Variants in LMO7 observed in about 807,000 individuals in gnomAD.
LMO7 encodes LIM domain 7, also known as LIM domain only protein 7.
In LMO7, 120 loss-of-function variants were observed where a neutral mutation model predicts 206.5. That is an observed-to-expected ratio of 0.58 (90% CI 0.50 to 0.68). The LOEUF (loss-of-function observed/expected upper bound fraction) is 0.68. LMO7 is among the 30% of genes least tolerant of loss of function. The pLI is 0.00. For synonymous variants in LMO7, 706 were observed against 681.5 expected, an observed-to-expected ratio of 1.04 and a Z score of -0.56; for missense variants, 1,959 against 1,957.9, an observed-to-expected ratio of 1.00 and a Z score of -0.01.
At chr13:75,703,364 G>A (rs1002858498) in intron 1 of LMO7, among the ~76,000 whole-genome samples, 22 of 152,148 alleles carry the variant, frequency 1.4e-4, no homozygotes, top group African/African-American at 5.1e-4. Flanking sequence ...GAATGACTGG[G>A]GGAATAGGAG....
At chr13:75,791,914 T>G (rs780280174) in intron 4 of LMO7, among the ~76,000 whole-genome samples, 6 of 152,144 alleles carry the variant, frequency 3.9e-5, no homozygotes, top group Non-Finnish European at 7.3e-5. Context: ...TATTGCAGAC[T>G]TGGGTTTCAA....
chr13:75,815,584 G>A (rs920825709), intron 11 of LMO7, among the ~76,000 whole-genome samples: 8 of 152,208 alleles, frequency 5.3e-5, no homozygotes, highest in African/African-American at 1.7e-4. Flanking sequence ...ACCTGTCCAG[G>A]GGTCCTGAGG....
At chr13:75,786,637 G>A (rs771650986) in intron 4 of LMO7, among the ~76,000 whole-genome samples, 2 of 151,758 alleles carry the variant, frequency 1.3e-5, no homozygotes, top group Non-Finnish European at 2.9e-5. Context: ...TGCCCGCCTC[G>A]GCCTCCCAAA....
At chr13:75,629,076 A>G (rs1365702101) in intron 2 of LMO7, among the ~76,000 whole-genome samples, 4 of 152,220 alleles carry the variant, frequency 2.6e-5, no homozygotes, top group Admixed American at 6.5e-5. Flanking sequence ...TCTAGTGGGT[A>G]GGGGCCAGGG....
intron 2 of LMO7, among the ~76,000 whole-genome samples, chr13:75,726,813 A>G (rs1445210136): frequency 1.3e-5 from 2 of 152,090 alleles, no homozygotes; most frequent in Non-Finnish European, 2.9e-5. Flanking sequence ...TCTCCACATA[A>G]AGGATATAGA....
intron 2 of LMO7, among the ~76,000 whole-genome samples, chr13:75,722,673 C>T (rs1318947325): frequency 6.6e-6 from 1 of 152,040 alleles, no homozygotes; most frequent in Non-Finnish European, 1.5e-5. Flanking sequence ...AGGTATCTAC[C>T]AGAGGAAAAT....
chr13:75,848,451 C>CTATCTATCTA (rs2060182907), intron 26 of LMO7, among the ~76,000 whole-genome samples: 1 of 152,086 alleles, frequency 6.6e-6, no homozygotes, highest in Admixed American at 6.5e-5. Context: ...ATCTATCTAT[C>CTATCTATCTA]TATCTATCTA....
chr13:75,809,009 A>C (rs567273997), intron 10 of LMO7, 145 bp from the exon 11 acceptor site: 44 of 696,730 alleles, frequency 6.3e-5, no homozygotes, highest in Non-Finnish European at 1.0e-4. Context: ...AGAACTTGAG[A>C]CATGATCAAG....
At chr13:75,823,138 T>C (rs1310658084) in intron 14 of LMO7, among the ~76,000 whole-genome samples, 1 of 152,110 alleles carries the variant, frequency 6.6e-6, no homozygotes, top group East Asian at 1.9e-4. Context: ...AGATCTTACA[T>C]GGTAAAACAT....
chr13:75,723,985 G>A (rs1051400813), intron 2 of LMO7, among the ~76,000 whole-genome samples: 4 of 152,100 alleles, frequency 2.6e-5, no homozygotes, highest in African/African-American at 9.7e-5. Flanking sequence ...TGTTGTGGAA[G>A]GGGCAAGGCA....
chr13:75,683,471 A>G (rs965749383), intron 1 of LMO7, among the ~76,000 whole-genome samples: 5 of 152,194 alleles, frequency 3.3e-5, no homozygotes, highest in Admixed American at 6.5e-5. Context: ...ACCAATGATT[A>G]TCATTCTTAT....
chr13:75,809,235 T>C (rs1812052895), intron 11 of LMO7, 52 bp downstream of exon 11: 1 of 1,481,666 alleles, frequency 6.7e-7, no homozygotes, highest in Non-Finnish European at 9.4e-7. Context: ...TTGTTCTTTG[T>C]ATAACTTACT....
intron 2 of LMO7, among the ~76,000 whole-genome samples, chr13:75,713,527 G>A (rs528253240): frequency 6.6e-6 from 1 of 152,236 alleles, no homozygotes; most frequent in East Asian, 1.9e-4. Flanking sequence ...GCCAGTGGGG[G>A]GTGGGTGATT....
intron 1 of LMO7, among the ~76,000 whole-genome samples, chr13:75,679,656 C>G (rs914912128): frequency 7.2e-5 from 11 of 152,194 alleles, no homozygotes; most frequent in Non-Finnish European, 1.3e-4. Flanking sequence ...TCACAGCTCA[C>G]TGCAGCCTTG....
intron 4 of LMO7, chr13:75,788,706 G>C (rs1308899104): frequency 3.3e-5 from 5 of 152,180 alleles, no homozygotes; most frequent in Admixed American, 3.3e-4. Flanking sequence ...CAACTGGAGA[G>C]CAGAGATTAC....
At chr13:75,849,486 T>G (rs1040486479) in intron 27 of LMO7, among the ~76,000 whole-genome samples, 194 bp downstream of exon 27, 17 of 148,946 alleles carry the variant, frequency 1.1e-4, no homozygotes, top group African/African-American at 3.8e-4. Context: ...TAATTCTGGC[T>G]GTTTTTTTTT....
intron 30 of LMO7, 89 bp downstream of exon 30, chr13:75,856,697 C>A (rs2060990406): frequency 2.6e-6 from 2 of 775,226 alleles, no homozygotes; most frequent in Admixed American, 1.8e-5. Flanking sequence ...GCGAGCTCCC[C>A]TCCAAGTTCA....
intron 27 of LMO7, among the ~76,000 whole-genome samples, chr13:75,849,955 A>T (rs1490912193): frequency 4.6e-5 from 7 of 152,196 alleles, no homozygotes; most frequent in African/African-American, 1.4e-4. Flanking sequence ...AAAATCAGAA[A>T]ATTATCCCTA....
At chr13:75,842,229 A>G (rs900922604) in intron 24 of LMO7, among the ~76,000 whole-genome samples, 2 of 152,198 alleles carry the variant, frequency 1.3e-5, no homozygotes, top group African/African-American at 2.4e-5. Flanking sequence ...GAAGGCTGCC[A>G]TGAGCTACAT....
Sources: allele counts gnomAD v4.1 joint callset (sites outside exome capture counted in the v4.1 genomes callset), GRCh38; gene constraint gnomAD v4.1.1; transcripts MANE v1.5; gene names NCBI Gene and HGNC (gene_info 2026-07-23, HGNC 2026-07-21).